The following TRABD2A variants were observed in gnomAD, a reference collection of about 807,000 sequenced individuals.
TRABD2A encodes the protein metalloprotease TIKI1.
Under a neutral mutation model 45.6 loss-of-function variants are expected in TRABD2A, and 43 were observed. That is an observed-to-expected ratio of 0.94 (90% confidence interval 0.74 to 1.22). TRABD2A has a LOEUF of 1.22. Among genes scored for constraint, TRABD2A ranks in the 50% most tolerant of loss-of-function variants. The pLI, the probability that TRABD2A is intolerant of heterozygous loss-of-function variation, is 0.00. For missense variants in TRABD2A, 642 were observed against 652.4 expected (o/e 0.98, Z 0.17); for synonymous variants, 269 against 265.0 (o/e 1.02, Z -0.15).
intron 2 of TRABD2A, among the ~76,000 whole-genome samples, chr2:84,868,541 T>TTAATTAACTAAC (rs1682767194): frequency 4.6e-5 from 7 of 151,892 alleles, no homozygotes; most frequent in African/African-American, 1.7e-4. Flanking sequence ...AGTTAATTAG[T>TTAATTAACTAAC]TAATTAACTA....
rs574789331 is a variant in TRABD2A at position 84,861,273 on chromosome 2, T to C, written c.669+8952A>G. On this transcript the variant is annotated intron_variant, in intron 2 of 6. Coordinates refer to ENST00000409520, the MANE Select transcript of TRABD2A (RefSeq NM_001277053.2). The stretch of plus-strand genomic sequence containing the variant: ...CACTTTATTTCTATTATTATTACTT[T>C]GTAATATCTAATAAAAGAATTCTAC... Among the ~76,000 whole-genome samples the C allele has an allele frequency of 3.3e-5, 5 of 152,260 alleles. No homozygotes were observed. The South Asian group carries it at 8.3e-4, about 25-fold the overall frequency.
In TRABD2A at chr2:84,870,725, C is replaced by T; in HGVS notation, c.169G>A (p.Gly57Ser). The change falls in exon 2 of 7, where the codon GGC becomes AGC. Residue 57 changes from glycine to serine, a missense_variant. Gly to Ser is a moderately conservative substitution (Grantham distance 56). Coordinates refer to ENST00000409520, the MANE Select transcript of TRABD2A (RefSeq NM_001277053.2). ...CGGGTGTACGGGACATGGATTGTGCCAAAGAAGTAAGATGGTGGGTCTCGC... is the reference window on the plus strand; with the variant it reads ...CGGGTGTACGGGACATGGATTGTGCTAAAGAAGTAAGATGGTGGGTCTCGC... ...IKRDPPSYFF[G>S]TIHVPYTRVW... 1 of 1,601,940 alleles carries T rather than the reference C, an allele frequency of 6.2e-7. No individual in the cohort carries two copies. Among genetic ancestry groups the T allele is most frequent in the Non-Finnish European group, 8.5e-7 (1 of 1,174,186 alleles).
intron 2 of TRABD2A, among the ~76,000 whole-genome samples, chr2:84,869,972 C>T (rs545592411): frequency 1.9e-5 from 2 of 104,890 alleles, no homozygotes; most frequent in African/African-American, 8.9e-5. Flanking sequence ...TGACTCTGTC[C>T]CAAAAAAAAA....
rs1211017366 is a variant in TRABD2A, at chr2:84,832,160, A to G, written c.992-15T>C. On this transcript the variant is annotated splice_polypyrimidine_tract_variant and intron_variant, in intron 4 of 6. Transcript: ENST00000409520. Reference sequence around the variant, plus strand: ...CATGAAATGACCTGCAGTGAGAAAAACAACCTGAAATGCTGCAGCTCTCAG... The same window carrying G: ...CATGAAATGACCTGCAGTGAGAAAAGCAACCTGAAATGCTGCAGCTCTCAG... The G allele has an allele frequency of 1.9e-6, 3 of 1,613,722 alleles. No individual in the cohort carries two copies. The South Asian group carries it at 3.3e-5, about 18-fold the overall frequency.
chr2:84,874,141 A>G (rs1200644664), intron 1 of TRABD2A, among the ~76,000 whole-genome samples: 1 of 152,244 alleles, frequency 6.6e-6, no homozygotes, highest in African/African-American at 2.4e-5. Flanking sequence ...TCTCTTCAGA[A>G]GCAGTCTGTT....
intron 1 of TRABD2A, among the ~76,000 whole-genome samples, chr2:84,880,483 C>T (rs575847477): frequency 6.6e-6 from 1 of 152,342 alleles, no homozygotes; most frequent in South Asian, 2.1e-4. Flanking sequence ...AGGCACTGAA[C>T]ATATGAAGGT....
At chr2:84,841,229 G>A (rs970990630) in intron 3 of TRABD2A, among the ~76,000 whole-genome samples, 27 of 152,162 alleles carry the variant, frequency 1.8e-4, no homozygotes, top group South Asian at 6.2e-4. Flanking sequence ...ACAAAGATCC[G>A]TACCACTTCC....
chr2:84,844,247 A>G (rs1681808859), intron 2 of TRABD2A, among the ~76,000 whole-genome samples: 1 of 152,194 alleles, frequency 6.6e-6, no homozygotes, highest in African/African-American at 2.4e-5. Flanking sequence ...AGAGGGACCC[A>G]GTGGGAGGTA....
chr2:84,846,317 A>G (rs2162569), intron 2 of TRABD2A, among the ~76,000 whole-genome samples: 152,182 of 152,336 alleles, frequency 1, 76,014 homozygotes, highest in Middle Eastern at 1. Flanking sequence ...GCAATGATCC[A>G]AATAACAACC....
At chr2:84,857,944 T>C (rs762820056) in intron 2 of TRABD2A, among the ~76,000 whole-genome samples, 2 of 152,210 alleles carry the variant, frequency 1.3e-5, no homozygotes, top group Non-Finnish European at 2.9e-5. Context: ...GGCACAATCA[T>C]AGCTCATTGT....
intron 1 of TRABD2A, among the ~76,000 whole-genome samples, chr2:84,878,840 C>G (rs997479889): frequency 6.6e-6 from 1 of 152,210 alleles, no homozygotes; most frequent in Non-Finnish European, 1.5e-5. Context: ...GCATGTGGGT[C>G]AGACATACAG....
intron 1 of TRABD2A, among the ~76,000 whole-genome samples, chr2:84,877,807 TG>T (rs1317250383): frequency 6.6e-6 from 1 of 152,196 alleles, no homozygotes; most frequent in East Asian, 1.9e-4. Flanking sequence ...CTAGCATCCC[TG>T]GACCTGCAAT....
intron 3 of TRABD2A, among the ~76,000 whole-genome samples, chr2:84,839,648 G>A (rs2105380295): frequency 6.6e-6 from 1 of 150,670 alleles, no homozygotes; most frequent in Non-Finnish European, 1.5e-5. Context: ...TACATCCATA[G>A]TTTTAACTTG....
intron 2 of TRABD2A, among the ~76,000 whole-genome samples, chr2:84,854,512 C>A (rs1682207525): frequency 6.6e-6 from 1 of 152,226 alleles, no homozygotes; most frequent in Admixed American, 6.5e-5. Flanking sequence ...CAATATCTCA[C>A]CCAAGGTCAC....
At chr2:84,822,188 TTCA>T in intron 6 of TRABD2A, 88 bp from the exon 7 acceptor site, 2 of 1,137,870 alleles carry the variant, frequency 1.8e-6, no homozygotes, top group Non-Finnish European at 2.4e-6. Flanking sequence ...ACAGCTTCTC[TTCA>T]TCTCCCCTCC....
chr2:84,859,941 T>A (rs1559094535), intron 2 of TRABD2A, among the ~76,000 whole-genome samples: 1 of 148,148 alleles, frequency 6.8e-6, no homozygotes, highest in Non-Finnish European at 1.5e-5. Flanking sequence ...ATTTATTTTT[T>A]GGAGAGATGG....
At chr2:84,865,927 A>G (rs1352659013) in intron 2 of TRABD2A, among the ~76,000 whole-genome samples, 3 of 152,250 alleles carry the variant, frequency 2.0e-5, no homozygotes, top group African/African-American at 4.8e-5. Context: ...GGGAATGCCA[A>G]TGCAGCTGGC....
chr2:84,870,517 T>C lies in TRABD2A; in HGVS notation c.377A>G (p.His126Arg). 1 of 1,613,940 alleles carries C rather than the reference T, an allele frequency of 6.2e-7. No individual in the cohort carries two copies. The highest frequency in any genetic ancestry group is 1.1e-5 in the South Asian group (1 of 91,076). The change falls in exon 2 of 7, where the codon CAC becomes CGC. Residue 126 changes from histidine (H) to arginine (R), a missense_variant. By Grantham distance (29) the His-to-Arg change is conservative (BLOSUM62 0). Transcript: ENST00000409520. ...CATCATGAGCTTGACATACTCCAGG[T>C]GGCGCTTGAGGCGGCAGTAGATGTC... ...PRDIYCRLKR[H>R]LEYVKLMMPL...
chr2:84,873,549 C>T (rs1265722929), intron 1 of TRABD2A, among the ~76,000 whole-genome samples: 1 of 152,180 alleles, frequency 6.6e-6, no homozygotes, highest in East Asian at 1.9e-4. Context: ...TATTTAAATA[C>T]TTCAAAAACG....
Sources: gnomAD v4.1 joint callset for allele counts (sites outside exome capture counted in the v4.1 genomes callset) on GRCh38, gnomAD v4.1.1 for gene constraint, MANE v1.5 for transcripts, NCBI Gene and HGNC (gene_info 2026-07-23, HGNC 2026-07-21) for gene names.